ATXN1: variants seen among roughly 807,000 people sequenced by gnomAD.
The protein encoded by ATXN1 is ataxin-1.
Under a neutral mutation model 56.4 loss-of-function variants are expected in ATXN1, and 8 were observed. The observed-to-expected ratio is 0.14, with a 90% CI of 0.08 to 0.26. The LOEUF is 0.26. Ranked by LOEUF, ATXN1 falls within the 10% of genes least tolerant of loss-of-function variation. The pLI is 1.00. For synonymous variants in ATXN1, 514 were observed against 494.6 expected (o/e 1.04, Z -0.52); for missense variants, 987 against 1,106.5 (o/e 0.89, Z 1.53).
intron 5 of ATXN1, among the ~76,000 whole-genome samples, chr6:16,513,479 C>T (rs1761119750): frequency 6.6e-6 from 1 of 152,166 alleles, no homozygotes; most frequent in African/African-American, 2.4e-5. Context: ...CAATACATTA[C>T]AATCTATAAA....
At chr6:16,378,964 G>GC (rs1762198869) in intron 6 of ATXN1, among the ~76,000 whole-genome samples, 1 of 152,088 alleles carries the variant, frequency 6.6e-6, no homozygotes, top group African/African-American at 2.4e-5. Flanking sequence ...ACTTGCACAC[G>GC]CATGTTTATA....
intron 6 of ATXN1, among the ~76,000 whole-genome samples, chr6:16,484,266 C>G (rs1009833707): frequency 2.6e-5 from 4 of 151,976 alleles, no homozygotes; most frequent in Non-Finnish European, 5.9e-5. Context: ...AACTCTGTCT[C>G]TACCAAAAAT....
At chr6:16,624,655 T>G (rs572655305) in intron 3 of ATXN1, among the ~76,000 whole-genome samples, 11 of 152,166 alleles carry the variant, frequency 7.2e-5, no homozygotes, top group Non-Finnish European at 1.5e-4. Flanking sequence ...ATACCAAATT[T>G]CAGTGCACAA....
intron 4 of ATXN1, among the ~76,000 whole-genome samples, chr6:16,570,208 C>T (rs866038779): frequency 2.0e-5 from 3 of 152,194 alleles, no homozygotes; most frequent in African/African-American, 4.8e-5. Flanking sequence ...GGCCTCACAC[C>T]GCTGAGATTT....
intron 5 of ATXN1, among the ~76,000 whole-genome samples, chr6:16,492,397 A>C (rs970444388): frequency 6.6e-6 from 1 of 152,126 alleles, no homozygotes; most frequent in East Asian, 1.9e-4. Context: ...CACATTGTGC[A>C]CATGTACCCT....
At chr6:16,557,401 G>C (rs1294463182) in intron 4 of ATXN1, among the ~76,000 whole-genome samples, 14 of 150,888 alleles carry the variant, frequency 9.3e-5, no homozygotes, top group Admixed American at 9.2e-4. Context: ...GGAGGAGATA[G>C]GAACAACTGC....
At chr6:16,348,579 G>A (rs951405866) in intron 6 of ATXN1, among the ~76,000 whole-genome samples, 1 of 152,046 alleles carries the variant, frequency 6.6e-6, no homozygotes, top group South Asian at 2.1e-4. Context: ...GTGAGTGCCT[G>A]TAATTCCAGG....
chr6:16,658,260 A>T (rs1255760679), intron 2 of ATXN1, among the ~76,000 whole-genome samples: 1 of 152,244 alleles, frequency 6.6e-6, no homozygotes, highest in African/African-American at 2.4e-5. Flanking sequence ...GTGATTAAAG[A>T]CTGATGTGCA....
At chr6:16,759,226 T>C (rs1001935335) in intron 1 of ATXN1, among the ~76,000 whole-genome samples, 3 of 152,268 alleles carry the variant, frequency 2.0e-5, no homozygotes, top group Non-Finnish European at 2.9e-5. Flanking sequence ...ACAAATGTCA[T>C]TGAGATGTGA....
At chr6:16,698,387 T>C (rs1442812786) in intron 2 of ATXN1, among the ~76,000 whole-genome samples, 2 of 152,162 alleles carry the variant, frequency 1.3e-5, no homozygotes, top group Non-Finnish European at 2.9e-5. Context: ...GATGCTTCAT[T>C]GTTCTAAGCT....
chr6:16,613,554 C>T (rs530058172), intron 3 of ATXN1, among the ~76,000 whole-genome samples: 18 of 151,708 alleles, frequency 1.2e-4, no homozygotes, highest in African/African-American at 1.7e-4. Context: ...TGGTCAGGTC[C>T]GGTGGCTCAC....
intron 6 of ATXN1, among the ~76,000 whole-genome samples, chr6:16,374,917 T>C (rs1762113412): frequency 6.6e-6 from 1 of 152,246 alleles, no homozygotes; most frequent in African/African-American, 2.4e-5. Flanking sequence ...TGAATATGTC[T>C]AATTCTGTAG....
chr6:16,672,185 C>G (rs771616667), intron 2 of ATXN1, among the ~76,000 whole-genome samples: 8 of 152,190 alleles, frequency 5.3e-5, no homozygotes, highest in East Asian at 1.9e-4. Context: ...ACCTTTCCCC[C>G]CAACACGTTT....
chr6:16,606,277 A>G (rs1405298910), intron 3 of ATXN1, among the ~76,000 whole-genome samples: 2 of 152,244 alleles, frequency 1.3e-5, no homozygotes, highest in Non-Finnish European at 2.9e-5. Context: ...ATATTTCTTT[A>G]CTATGTCTCC....
chr6:16,518,401 G>A (rs1304656471), intron 5 of ATXN1, among the ~76,000 whole-genome samples: 1 of 152,170 alleles, frequency 6.6e-6, no homozygotes, highest in Non-Finnish European at 1.5e-5. Flanking sequence ...CAGGGATTTG[G>A]GCCTCTTTCT....
chr6:16,597,564 C>T (rs1284719389), intron 3 of ATXN1, among the ~76,000 whole-genome samples: 2 of 152,022 alleles, frequency 1.3e-5, no homozygotes, highest in Admixed American at 1.3e-4. Context: ...TCTGCCTCCC[C>T]AGTAGCTGGG....
In ATXN1 at chr6:16,326,245, G is replaced by C; in HGVS notation, c.1917+149C>G. ...GGGGAAATGGGGCTTATTTTTTCTA[G>C]AGAACGCAGTTGGGAAAGGCCGAGT... On this transcript the variant is annotated intron_variant, in intron 7 of 7. Coordinates refer to ENST00000436367, the MANE Select transcript of ATXN1 (RefSeq NM_001128164.2). The surrounding 1 kb of genome is among the most constrained non-coding windows in gnomAD (Gnocchi z 6.6). 2 of 1,407,930 alleles carry C rather than the reference G, an allele frequency of 1.4e-6. No homozygotes were observed. The highest frequency in any genetic ancestry group is 3.1e-5 in the South Asian group (2 of 65,428). The allele number at this position is 1,407,930 out of a possible 1,614,324, so 87.2% of individuals were successfully genotyped here. A position where few individuals can be genotyped will look rare whatever the true frequency, so the allele number is the denominator to read the frequency against.
chr6:16,483,713 C>T (rs567376371), intron 6 of ATXN1, among the ~76,000 whole-genome samples: 63 of 152,324 alleles, frequency 4.1e-4, no homozygotes, highest in African/African-American at 1.5e-3. Flanking sequence ...CCTTTGAAAA[C>T]CTCACTCAAT....
chr6:16,494,462 G>C (rs1451609873), intron 5 of ATXN1, among the ~76,000 whole-genome samples: 1 of 152,122 alleles, frequency 6.6e-6, no homozygotes, highest in African/African-American at 2.4e-5. Flanking sequence ...AAATATGCTG[G>C]AAAAATGTCT....
Sources: allele counts gnomAD v4.1 joint callset (sites outside exome capture counted in the v4.1 genomes callset), GRCh38; gene constraint gnomAD v4.1.1; non-coding constraint Gnocchi (gnomAD v3.1); transcripts MANE v1.5; gene names NCBI Gene and HGNC (gene_info 2026-07-23, HGNC 2026-07-21).